DCC: variants seen among roughly 807,000 people sequenced by gnomAD.
DCC encodes DCC netrin 1 receptor, also known as netrin receptor DCC.
Under a neutral mutation model 172.5 loss-of-function variants are expected in DCC, and 58 were observed. The observed-to-expected ratio is 0.34, with a 90% CI of 0.27 to 0.42. The LOEUF is 0.42. Among genes scored for constraint, DCC ranks in the 10% least tolerant of loss-of-function variants. The probability of loss-of-function intolerance (pLI) is 1.00; values close to 1 mark genes in which losing one functional copy is unlikely to be tolerated. For missense variants in DCC, 1,740 were observed against 1,791.0 expected (o/e 0.97, Z 0.51); for synonymous variants, 709 against 644.5 (o/e 1.10, Z -1.52).
intron 12 of DCC, among the ~76,000 whole-genome samples, chr18:53,252,641 C>A (rs943345678): frequency 6.6e-6 from 1 of 151,854 alleles, no homozygotes; most frequent in African/African-American, 2.4e-5. Context: ...TTTCTTGTTA[C>A]TACTCTATGC....
chr18:52,524,502 T>A (rs2031920758), intron 1 of DCC, among the ~76,000 whole-genome samples: 1 of 152,254 alleles, frequency 6.6e-6, no homozygotes, highest in Non-Finnish European at 1.5e-5. Context: ...CACATTGTTA[T>A]GTAAGTGGAA....
intron 1 of DCC, among the ~76,000 whole-genome samples, chr18:52,683,548 A>AC (rs1278983698): frequency 7.9e-5 from 12 of 152,112 alleles, no homozygotes; most frequent in African/African-American, 2.2e-4. Context: ...CTATATTTTA[A>AC]CAATATCTAA....
intron 1 of DCC, among the ~76,000 whole-genome samples, chr18:52,733,502 G>GT (rs2036678287): frequency 6.6e-6 from 1 of 151,628 alleles, no homozygotes; most frequent in African/African-American, 2.4e-5. Flanking sequence ...GCCTTTTTTT[G>GT]TTTTTTGTTT....
intron 7 of DCC, among the ~76,000 whole-genome samples, chr18:53,141,548 T>C (rs1024313790): frequency 1.3e-5 from 2 of 152,224 alleles, no homozygotes; most frequent in African/African-American, 4.8e-5. Flanking sequence ...GTTTTAGTGA[T>C]CTGTGATCAT....
At chr18:53,220,642 A>C (rs1403916983) in intron 12 of DCC, among the ~76,000 whole-genome samples, 2 of 152,218 alleles carry the variant, frequency 1.3e-5, no homozygotes, top group African/African-American at 2.4e-5. Context: ...ATTTAAATAC[A>C]ACAATGTTGA....
intron 12 of DCC, among the ~76,000 whole-genome samples, chr18:53,260,717 C>T (rs1275957898): frequency 6.6e-6 from 1 of 152,156 alleles, no homozygotes; most frequent in Non-Finnish European, 1.5e-5. Flanking sequence ...AGAACCACTA[C>T]TCTCTTCAAA....
intron 5 of DCC, among the ~76,000 whole-genome samples, chr18:52,945,218 A>T (rs982916347): frequency 9.9e-5 from 15 of 152,190 alleles, no homozygotes; most frequent in African/African-American, 3.6e-4. Flanking sequence ...ATATGAACTT[A>T]GGTTTTAACA....
At position 53,428,252 on chromosome 18, in the gene DCC, T is replaced by A. The variant is rs984050708; in HGVS notation, c.3164-6892T>A. On this transcript the variant is annotated intron_variant, in intron 21 of 28. Coordinates refer to ENST00000442544, the MANE Select transcript of DCC (RefSeq NM_005215.4). ...ATTATATATATAATTAATTATATAT[T>A]TAATAATATATTATATAGAATATAA... is the stretch of plus-strand genomic sequence containing the variant. Among the ~76,000 whole-genome samples, 29 of 34,772 alleles carry A rather than the reference T, an allele frequency of 8.3e-4. 4 individuals are homozygous for A. Among genetic ancestry groups the A allele is most frequent in the Non-Finnish European group, 1.5e-3 (20 of 13,334 alleles). 22.8% of individuals were successfully genotyped at this position (34,772 alleles called of 152,430 possible).
chr18:53,113,590 A>G (rs1568312569), intron 7 of DCC, among the ~76,000 whole-genome samples: 1 of 151,416 alleles, frequency 6.6e-6, no homozygotes. Flanking sequence ...ATTATTCTTT[A>G]GTCACATGGA....
chr18:53,481,980 G>C (rs980744907), intron 25 of DCC, among the ~76,000 whole-genome samples: 1 of 152,138 alleles, frequency 6.6e-6, no homozygotes, highest in Admixed American at 6.6e-5. Context: ...GAAAATGCTT[G>C]ATGATATCGC....
rs1317145566 is a variant in DCC, at chr18:53,066,098, A to G, written c.1193A>G (p.Tyr398Cys). 1 of 1,613,372 alleles carries G rather than the reference A, an allele frequency of 6.2e-7. No homozygotes were observed. Among genetic ancestry groups the G allele is most frequent in the Non-Finnish European group, 8.5e-7 (1 of 1,179,620 alleles). The change falls in exon 7 of 29, where the codon TAT (tyrosine) becomes TGT (cysteine). Residue 398 changes from tyrosine (Y) to cysteine (C), a missense_variant. Coordinates refer to ENST00000442544, the MANE Select transcript of DCC (RefSeq NM_005215.4). ...GTGGTGAAGTCAGATGAAGGCTTTT[A>G]TCAATGTGTGGCTGAAAATGAGGCT... is the stretch of plus-strand genomic sequence containing the variant. ...LGVVKSDEGF[Y>C]QCVAENEAGN... is the part of the protein sequence containing the mutation.
chr18:53,241,697 G>C (rs895124372), intron 12 of DCC, among the ~76,000 whole-genome samples: 5 of 152,166 alleles, frequency 3.3e-5, no homozygotes, highest in Non-Finnish European at 7.4e-5. Context: ...ATGTGCATAA[G>C]AGCATGGCCA....
intron 1 of DCC, among the ~76,000 whole-genome samples, chr18:52,520,506 C>T (rs898978115): frequency 6.6e-6 from 1 of 151,990 alleles, no homozygotes; most frequent in African/African-American, 2.4e-5. Context: ...TAGGGTTTCC[C>T]GGAGATGTCC....
intron 7 of DCC, among the ~76,000 whole-genome samples, chr18:53,122,636 T>C (rs1018230454): frequency 1.3e-5 from 2 of 152,062 alleles, no homozygotes; most frequent in African/African-American, 4.8e-5. Context: ...TAGGCCATTA[T>C]ACCGAAACTC....
At chr18:52,672,471 T>C (rs2035571470) in intron 1 of DCC, among the ~76,000 whole-genome samples, 1 of 152,122 alleles carries the variant, frequency 6.6e-6, no homozygotes, top group Non-Finnish European at 1.5e-5. Flanking sequence ...CAAGATGATA[T>C]AAGCACAAAA....
At chr18:52,474,206 T>TAGAGAGAGAGACAG (rs1491448947) in intron 1 of DCC, among the ~76,000 whole-genome samples, 30 of 100,718 alleles carry the variant, frequency 3.0e-4, no homozygotes, top group South Asian at 1.6e-3. Flanking sequence ...GTAACAGACC[T>TAGAGAGAGAGACAG]AGAGAGAGAG....
chr18:52,760,767 A>C (rs1287883067), intron 2 of DCC, among the ~76,000 whole-genome samples: 1 of 152,202 alleles, frequency 6.6e-6, no homozygotes, highest in East Asian at 1.9e-4. Flanking sequence ...TTAGATACAA[A>C]GCTTTTCTAC....
chr18:52,402,054 G>C (rs1470889772), intron 1 of DCC, among the ~76,000 whole-genome samples: 1 of 151,944 alleles, frequency 6.6e-6, no homozygotes, highest in Admixed American at 6.6e-5. Context: ...TAGTAAGCAA[G>C]TGTATTACTT....
At chr18:53,529,022 TCTCTCTCTCTCTCTCTCACACACA>T (rs1199801386) in intron 28 of DCC, among the ~76,000 whole-genome samples, 4,303 of 130,084 alleles carry the variant, frequency 0.033, 90 homozygotes, top group South Asian at 0.05. Flanking sequence ...TCTCTCTCTC[TCTCTCTCTCTCTCTCTCACACACA>T]CACACACACA....
Sources: gnomAD v4.1 joint callset for allele counts (sites outside exome capture counted in the v4.1 genomes callset) on GRCh38, gnomAD v4.1.1 for gene constraint, MANE v1.5 for transcripts, NCBI Gene and HGNC (gene_info 2026-07-23, HGNC 2026-07-21) for gene names.